PHIP: variants seen among roughly 807,000 people sequenced by gnomAD.
The protein encoded by PHIP is PHIP subunit of CUL4-Ring ligase complex.
A neutral mutation model predicts 236.8 loss-of-function variants in PHIP; 54 were observed. That is an observed-to-expected ratio of 0.23 (90% CI 0.18 to 0.29). The LOEUF (loss-of-function observed/expected upper bound fraction) is 0.29. Among genes scored for constraint, PHIP ranks in the 10% least tolerant of loss-of-function variants. The probability of loss-of-function intolerance (pLI) is 1.00; values close to 1 mark genes in which losing one functional copy is unlikely to be tolerated. For missense variants in PHIP, 1,370 were observed against 2,190.8 expected (o/e 0.63, Z 7.48); for synonymous variants, 756 against 718.9 (o/e 1.05, Z -0.83).
chr6:79,017,738 C>T (rs1460810472), intron 10 of PHIP, among the ~76,000 whole-genome samples, 155 bp from the exon 11 acceptor site: 2 of 151,816 alleles, frequency 1.3e-5, no homozygotes, highest in Non-Finnish European at 3.0e-5. Flanking sequence ...ACACATCTAA[C>T]TGGAATTTAA....
At chr6:78,986,676 T>C (rs1768886760) in intron 21 of PHIP, among the ~76,000 whole-genome samples, 1 of 152,114 alleles carries the variant, frequency 6.6e-6, no homozygotes, top group Non-Finnish European at 1.5e-5. Context: ...AAGAGGACAA[T>C]GGGGTGGATT....
chr6:79,059,785 G>C (rs1200331393), intron 6 of PHIP, among the ~76,000 whole-genome samples: 3 of 151,466 alleles, frequency 2.0e-5, no homozygotes, highest in African/African-American at 7.3e-5. Context: ...GAACTTTGAA[G>C]GTCTCTGAAA....
At chr6:79,002,163 A>T in intron 16 of PHIP, 39 bp from the exon 17 acceptor site, 1 of 1,400,958 alleles carries the variant, frequency 7.1e-7, no homozygotes, top group African/African-American at 1.4e-5. Flanking sequence ...GGAAAAATAA[A>T]AATGTATCAT....
intron 4 of PHIP, among the ~76,000 whole-genome samples, chr6:79,061,210 T>C (rs1355667307): frequency 6.6e-6 from 1 of 152,196 alleles, no homozygotes; most frequent in African/African-American, 2.4e-5. Flanking sequence ...TTTTTATTAG[T>C]CTTTCAGTAA....
chr6:78,941,371 T>G (rs1773493231), intron 39 of PHIP, 41 bp from the exon 40 acceptor site: 2 of 1,503,880 alleles, frequency 1.3e-6, no homozygotes, highest in Non-Finnish European at 1.8e-6. Flanking sequence ...TGGAGTTTCT[T>G]TTTTTGTTTG....
At chr6:79,022,835 A>C (rs1446235676) in intron 9 of PHIP, among the ~76,000 whole-genome samples, 1 of 152,182 alleles carries the variant, frequency 6.6e-6, no homozygotes, top group Non-Finnish European at 1.5e-5. Flanking sequence ...TGAGTTCCCA[A>C]AGTTGAATTG....
Position 78,972,866 on chromosome 6 carries a change from A to C in PHIP, c.2890-1978T>G, listed in dbSNP as rs568147901. On this transcript the variant is annotated intron_variant, in intron 24 of 39. Transcript: ENST00000275034. ...AAGAAATGAGCAAAGCCTCCAAGAAATATAGGACTATGTGAAAAGACCAAA... is the reference window on the plus strand; with the variant it reads ...AAGAAATGAGCAAAGCCTCCAAGAACTATAGGACTATGTGAAAAGACCAAA... 2.1e-3 allele frequency among the ~76,000 whole-genome samples: 318 copies of C among 152,312 alleles called. 1 individual carries two copies. Among genetic ancestry groups the C allele is most frequent in the African/African-American group, 6.7e-3 (278 of 41,574 alleles).
intron 25 of PHIP, among the ~76,000 whole-genome samples, chr6:78,970,436 A>G (rs950859948): frequency 2.6e-5 from 4 of 152,190 alleles, no homozygotes; most frequent in African/African-American, 9.6e-5. Context: ...TAAGTTTTCT[A>G]TCACCATTCC....
At chr6:79,076,583 CA>C (rs1374716899) in intron 4 of PHIP, among the ~76,000 whole-genome samples, 1 of 152,196 alleles carries the variant, frequency 6.6e-6, no homozygotes, top group East Asian at 1.9e-4. Flanking sequence ...CTCATTTTGA[CA>C]ACCCACAAAA....
chr6:79,042,003 T>C (rs1772242661), intron 7 of PHIP, among the ~76,000 whole-genome samples: 1 of 152,032 alleles, frequency 6.6e-6, no homozygotes, highest in Admixed American at 6.6e-5. Context: ...AGCTGCTCTC[T>C]TCAAAGACAG....
intron 15 of PHIP, among the ~76,000 whole-genome samples, chr6:79,009,427 G>C (rs1304840840): frequency 6.6e-6 from 1 of 151,684 alleles, no homozygotes; most frequent in African/African-American, 2.4e-5. Flanking sequence ...GTCTCCAATC[G>C]TCCACCCTGA....
chr6:79,015,580 TC>T, intron 14 of PHIP, 49 bp downstream of exon 14: 1 of 1,343,346 alleles, frequency 7.4e-7, no homozygotes, highest in Non-Finnish European at 1.0e-6. Context: ...AATGTTTCAT[TC>T]TATAGTCAGC....
In PHIP at chr6:78,990,910, G is replaced by A. The variant is rs1361306041; in HGVS notation, c.2277C>T (p.His759=). ...KTYRSEEKRK[H]LTVPKENKIP... is the part of the protein sequence containing the mutation. The stretch of plus-strand genomic sequence containing the variant: ...TTTTATTCTCTTTTGGAACAGTTAA[G>A]TGTTTTCTTTTCTCTTCTGACCTGT... The change falls in exon 20 of 40, where the codon CAC becomes CAT. Residue 759 remains histidine (H), a synonymous_variant. Coordinates refer to ENST00000275034, the MANE Select transcript of PHIP (RefSeq NM_017934.7). 1 of 1,607,348 alleles carries A rather than the reference G, an allele frequency of 6.2e-7. No homozygotes were observed. Among genetic ancestry groups the A allele is most frequent in the South Asian group, 1.1e-5 (1 of 90,850 alleles).
At chr6:79,027,840 G>C (rs1354400038) in intron 7 of PHIP, among the ~76,000 whole-genome samples, 1 of 152,040 alleles carries the variant, frequency 6.6e-6, no homozygotes, top group African/African-American at 2.4e-5. Flanking sequence ...ACAGCCTTCA[G>C]GGTCAAATGC....
chr6:78,958,177 A>G, intron 32 of PHIP: 1 of 204,512 alleles, frequency 4.9e-6, no homozygotes, highest in Non-Finnish European at 9.8e-6. Context: ...TACTATTATT[A>G]TTGTCTAACA....
rs989201895 is a variant in PHIP at position 79,078,212 on chromosome 6, C to CGGAGGAGGA, written c.-153_-145dup. On this transcript the variant is annotated 5_prime_UTR_variant, in exon 1 of 40. Transcript: ENST00000275034. ...ACCATTCAAGCAACGGCGGCGGAGG[C>CGGAGGAGGA]GGAGGAGGAGGAGGAGGAAACAACA... The CGGAGGAGGA allele has an allele frequency of 9.6e-6, 7 of 728,322 alleles. No homozygotes were observed. Among genetic ancestry groups the CGGAGGAGGA allele is most frequent in the Admixed American group, 5.7e-5 (2 of 35,132 alleles). The allele number at this position is 728,322 out of a possible 1,614,324, so 45.1% of individuals were successfully genotyped here. A position where few individuals can be genotyped will look rare whatever the true frequency, so the allele number is the denominator to read the frequency against.
chr6:79,004,268 C>A, intron 15 of PHIP: 1 of 336,674 alleles, frequency 3.0e-6, no homozygotes, highest in Non-Finnish European at 4.2e-6. Flanking sequence ...GAGATCATTG[C>A]TCAAATGACA....
rs1394841459 is a variant in PHIP, at chr6:79,060,780, C to T, written c.228G>A (p.Leu76=). 1 of 1,612,498 alleles carries T rather than the reference C, an allele frequency of 6.2e-7. No individual in the cohort carries two copies. Among genetic ancestry groups the T allele is most frequent in the Admixed American group, 1.7e-5 (1 of 60,008 alleles). Reference sequence around the variant, plus strand: ...GAGGTCCTAGTCGATGACATATTTGCAGCAAGTGATCAGGTGCTAAGTGTC... The same window carrying T: ...GAGGTCCTAGTCGATGACATATTTGTAGCAAGTGATCAGGTGCTAAGTGTC... The part of the protein sequence containing the change: ...YYRHLAPDHL[L]QICHRLGPLL... Residue 76 remains leucine, a synonymous_variant, in exon 5 of 40, where the codon CTG becomes CTA. Coordinates refer to ENST00000275034, the MANE Select transcript of PHIP (RefSeq NM_017934.7).
In PHIP at chr6:78,941,124, C is replaced by A. The variant is rs759804294; in HGVS notation, c.5035G>T (p.Val1679Leu). ...AGTACTTCATCTCTGATGGGATGCA[C>A]ATTATTTTGCTCTAAATCTTCTGGC... Reference protein sequence around the residue: ...AKPEDLEQNNVHPIRDEVLPS... With the variant: ...AKPEDLEQNNLHPIRDEVLPS... Residue 1679 changes from valine (V) to leucine (L), a missense_variant, in exon 40 of 40, where the codon GTG (valine) becomes TTG (leucine). Around this residue, in one of 14 missense-constraint regions of PHIP, gnomAD observed 309 missense variants for 328.3 expected, o/e 0.94. Coordinates refer to ENST00000275034, the MANE Select transcript of PHIP (RefSeq NM_017934.7). 45 of 1,613,780 alleles carry A rather than the reference C, an allele frequency of 2.8e-5. 1 individual carries two copies. The South Asian group carries it at 4.3e-4, about 15-fold the overall frequency.
Sources: allele counts gnomAD v4.1 joint callset (sites outside exome capture counted in the v4.1 genomes callset), GRCh38; gene constraint gnomAD v4.1.1; regional missense constraint gnomAD v4.1.1; transcripts MANE v1.5; gene names NCBI Gene and HGNC (gene_info 2026-07-23, HGNC 2026-07-21).